MITF: variants seen among roughly 807,000 people sequenced by gnomAD.
MITF encodes microphthalmia-associated transcription factor.
A neutral mutation model predicts 60.5 loss-of-function variants in MITF; 17 were observed. The ratio of observed to expected loss-of-function variants is 0.28; its 90% CI spans 0.19 to 0.42. MITF has a LOEUF of 0.42. Among genes scored for constraint, MITF ranks in the 10% least tolerant of loss-of-function variants. The pLI is 1.00. For synonymous variants in MITF, 260 were observed against 248.5 expected (o/e 1.05, Z -0.43); for missense variants, 622 against 683.5 (o/e 0.91, Z 1.00).
intron 1 of MITF, among the ~76,000 whole-genome samples, chr3:69,820,415 TA>T (rs1271460753): frequency 6.6e-6 from 1 of 152,208 alleles, no homozygotes; most frequent in Non-Finnish European, 1.5e-5. Flanking sequence ...ATTTCTAAGT[TA>T]GCTTCTTAGT....
intron 1 of MITF, among the ~76,000 whole-genome samples, chr3:69,839,380 CT>C (rs5849927): frequency 1.3e-3 from 183 of 139,108 alleles, no homozygotes; most frequent in Middle Eastern, 3.7e-3. Flanking sequence ...ATGTGATTTT[CT>C]TTTTTTTTTT....
intron 1 of MITF, among the ~76,000 whole-genome samples, chr3:69,822,405 C>T (rs1282444766): frequency 6.6e-6 from 1 of 152,174 alleles, no homozygotes; most frequent in African/African-American, 2.4e-5. Context: ...AAGTTTCTTT[C>T]TTGGATTTTG....
At position 69,965,634 on chromosome 3, in the gene MITF, A is replaced by C. The variant is rs2066672005; in HGVS notation, c.*386A>C. 1 of 253,892 alleles carries C rather than the reference A, an allele frequency of 3.9e-6. No individual in the cohort carries two copies. The allele number at this position is 253,892 out of a possible 1,614,324, so 15.7% of individuals were successfully genotyped here. ...ATCAAATGTAAAGTTTAATTGAAAGAATGTAAAGCAACCAAAAAGAAAAAA... is the reference window on the plus strand; with the variant it reads ...ATCAAATGTAAAGTTTAATTGAAAGCATGTAAAGCAACCAAAAAGAAAAAA... On this transcript the variant is annotated 3_prime_UTR_variant, in exon 10 of 10. Transcript: ENST00000352241.
At chr3:69,743,333 T>A (rs2106744624) in intron 1 of MITF, among the ~76,000 whole-genome samples, 1 of 152,364 alleles carries the variant, frequency 6.6e-6, no homozygotes, top group Admixed American at 6.5e-5. Context: ...TCTTCCTTAA[T>A]ACCATAACCC....
intron 2 of MITF, among the ~76,000 whole-genome samples, chr3:69,936,327 A>G (rs182090319): frequency 7.2e-5 from 11 of 152,328 alleles, no homozygotes; most frequent in Non-Finnish European, 1.5e-4. Flanking sequence ...ACCATTGTCT[A>G]TTAATACTAC....
intron 1 of MITF, among the ~76,000 whole-genome samples, chr3:69,797,549 T>A (rs2062851605): frequency 6.6e-6 from 1 of 152,188 alleles, no homozygotes; most frequent in Non-Finnish European, 1.5e-5. Context: ...GATGGTGGAG[T>A]AATTAAGAAT....
chr3:69,927,646 T>C (rs186308582), intron 2 of MITF, among the ~76,000 whole-genome samples: 10 of 152,360 alleles, frequency 6.6e-5, no homozygotes, highest in African/African-American at 2.4e-4. Flanking sequence ...TCCATTTATA[T>C]GTAGTGGTTC....
intron 1 of MITF, among the ~76,000 whole-genome samples, chr3:69,778,398 T>G (rs2062509126): frequency 6.6e-6 from 1 of 152,198 alleles, no homozygotes; most frequent in African/African-American, 2.4e-5. Flanking sequence ...TTTTCAAGCA[T>G]GAAATTAAAT....
intron 1 of MITF, among the ~76,000 whole-genome samples, chr3:69,787,810 A>G (rs1395326373): frequency 6.6e-6 from 1 of 152,160 alleles, no homozygotes. Flanking sequence ...ATTTTATCCT[A>G]CAAAAATTAC....
chr3:69,954,128 A>T (rs1438784390), intron 7 of MITF, among the ~76,000 whole-genome samples: 2 of 152,228 alleles, frequency 1.3e-5, no homozygotes, highest in African/African-American at 2.4e-5. Context: ...GGAACTAAAA[A>T]TAAAATGTAG....
intron 2 of MITF, among the ~76,000 whole-genome samples, chr3:69,912,197 G>A (rs2065238731): frequency 6.6e-6 from 1 of 152,178 alleles, no homozygotes. Context: ...AAAGTTATAG[G>A]TGCTATCTTG....
chr3:69,956,650 T>C, intron 8 of MITF, 120 bp downstream of exon 8: 2 of 797,584 alleles, frequency 2.5e-6, no homozygotes, highest in East Asian at 2.7e-5. Flanking sequence ...CTCCCTTTGG[T>C]TCTATTCCTA....
In MITF at chr3:69,959,510, C is replaced by T; in HGVS notation, c.1179+90C>T. The T allele has an allele frequency of 2.7e-6, 4 of 1,471,452 alleles. No homozygotes were observed. The South Asian group carries it at 4.7e-5, about 17-fold the overall frequency. 91.1% of individuals were successfully genotyped at this position (1,471,452 alleles called of 1,614,324 possible). A position where few individuals can be genotyped will look rare whatever the true frequency, so the allele number is the denominator to read the frequency against. Reference sequence around the variant, plus strand: ...ATATAATGAGCCATAGGGGAGTTGACTTACGTGATCCTAACACAGTCAATC... The same window carrying T: ...ATATAATGAGCCATAGGGGAGTTGATTTACGTGATCCTAACACAGTCAATC... On this transcript the variant is annotated intron_variant, in intron 9 of 9. Transcript: ENST00000352241.
chr3:69,932,062 C>G (rs1456367082), intron 2 of MITF, among the ~76,000 whole-genome samples: 1 of 152,200 alleles, frequency 6.6e-6, no homozygotes, highest in African/African-American at 2.4e-5. Context: ...TACTATTTCT[C>G]TTTATTAAAA....
intron 1 of MITF, among the ~76,000 whole-genome samples, chr3:69,845,431 CT>C (rs1330602821): frequency 3.7e-4 from 44 of 119,894 alleles, no homozygotes; most frequent in Admixed American, 1.7e-3. Context: ...TTTCTTTTTT[CT>C]TTTTTCTTTC....
At chr3:69,849,618 A>G (rs920994099) in intron 1 of MITF, among the ~76,000 whole-genome samples, 3 of 152,194 alleles carry the variant, frequency 2.0e-5, no homozygotes, top group African/African-American at 7.2e-5. Flanking sequence ...TGAATAGCTA[A>G]TGAGAAATGG....
chr3:69,951,257 G>T (rs947833336), intron 6 of MITF, among the ~76,000 whole-genome samples: 3 of 151,492 alleles, frequency 2.0e-5, no homozygotes, highest in Non-Finnish European at 2.9e-5. Flanking sequence ...CACCATGCTG[G>T]ACTTATTTTT....
At chr3:69,860,986 G>T (rs1461020596) in intron 1 of MITF, among the ~76,000 whole-genome samples, 1 of 152,154 alleles carries the variant, frequency 6.6e-6, no homozygotes, top group Non-Finnish European at 1.5e-5. Context: ...AGTTATTTCT[G>T]CAAGTAGGTA....
rs547009728 is a variant in MITF, at chr3:69,938,931, T to C, written c.583-167T>C. On this transcript the variant is annotated intron_variant, in intron 3 of 9. Coordinates refer to ENST00000352241, the MANE Select transcript of MITF (RefSeq NM_001354604.2). ...TACCCAAATTTGTCATCTAGCAAGA[T>C]GATTTGACACAAGTTCTTCCTTCAT... is the stretch of plus-strand genomic sequence containing the variant. 3 of 1,499,520 alleles carry C rather than the reference T, an allele frequency of 2.0e-6. No individual in the cohort carries two copies. In the South Asian group the frequency reaches 4.1e-5, roughly 20 times the overall value. 92.9% of individuals were successfully genotyped at this position (1,499,520 alleles called of 1,614,324 possible). A position where few individuals can be genotyped will look rare whatever the true frequency, so the allele number is the denominator to read the frequency against.
Sources: allele counts gnomAD v4.1 joint callset (sites outside exome capture counted in the v4.1 genomes callset), GRCh38; gene constraint gnomAD v4.1.1; transcripts MANE v1.5; gene names NCBI Gene and HGNC (gene_info 2026-07-23, HGNC 2026-07-21).